Variants in SYN3 observed in about 807,000 individuals in gnomAD.
SYN3 encodes the protein synapsin III, also known as synapsin-3.
SYN3 carries 35 observed loss-of-function variants against 65.8 expected under a neutral mutation model. The ratio of observed to expected loss-of-function variants is 0.53; its 90% CI spans 0.41 to 0.70. SYN3 has a LOEUF of 0.70. Ranked by LOEUF, SYN3 falls within the 30% of genes least tolerant of loss-of-function variation. The pLI is 0.00. For missense variants in SYN3, 680 were observed against 749.0 expected (o/e 0.91, Z 1.08); for synonymous variants, 270 against 292.9 (o/e 0.92, Z 0.80).
intron 8 of SYN3, among the ~76,000 whole-genome samples, chr22:32,540,831 T>A (rs2058242262): frequency 6.6e-6 from 1 of 152,220 alleles, no homozygotes; most frequent in African/African-American, 2.4e-5. Context: ...TCAGTACTTT[T>A]TCCACGGAAT....
chr22:33,048,902 G>A (rs1374926442), intron 1 of SYN3, among the ~76,000 whole-genome samples: 3 of 152,136 alleles, frequency 2.0e-5, no homozygotes, highest in African/African-American at 7.2e-5. Context: ...TTCACCCCAT[G>A]CCCTAGAGAT....
chr22:32,927,570 C>G (rs529633843), intron 4 of SYN3, among the ~76,000 whole-genome samples: 15 of 152,200 alleles, frequency 9.9e-5, no homozygotes, highest in Non-Finnish European at 1.5e-4. Flanking sequence ...TCTTCCCTGA[C>G]AATACAAGGG....
intron 6 of SYN3, among the ~76,000 whole-genome samples, chr22:32,787,712 A>G (rs1309424597): frequency 6.6e-6 from 1 of 152,218 alleles, no homozygotes; most frequent in Non-Finnish European, 1.5e-5. Flanking sequence ...AGTTTTTTTC[A>G]GATACTGATA....
chr22:32,516,878 TAAAAA>T (rs1374974132), intron 13 of SYN3, among the ~76,000 whole-genome samples: 1 of 152,054 alleles, frequency 6.6e-6, no homozygotes, highest in African/African-American at 2.4e-5. Context: ...TGTGAGAACT[TAAAAA>T]AAACCCAAGT....
In SYN3 at chr22:32,980,697, T is replaced by C. The variant is rs1186593115; in HGVS notation, c.317A>G (p.Lys106Arg). The stretch of plus-strand genomic sequence containing the variant: ...ATTCACCTTCTTCCCATGGAAATAC[T>C]TCGACCTGTAAAGGGGAAGAAATCA... The part of the protein sequence containing the change: ...VIDDAHTDWS[K>R]YFHGKKVNGE... Residue 106 changes from lysine to arginine, a missense_variant, in exon 3 of 14, where the codon AAG becomes AGG. By Grantham distance (26) the Lys-to-Arg change is conservative. Transcript: ENST00000358763. The C allele has an allele frequency of 4.3e-6, 7 of 1,613,818 alleles. No individual in the cohort carries two copies. Among genetic ancestry groups the C allele is most frequent in the Non-Finnish European group, 5.1e-6 (6 of 1,179,914 alleles).
At chr22:32,609,645 TAAA>T (rs5845010) in intron 6 of SYN3, among the ~76,000 whole-genome samples, 3 of 140,062 alleles carry the variant, frequency 2.1e-5, no homozygotes, top group Admixed American at 1.4e-4. Context: ...CCCAGCTAAT[TAAA>T]AAAAAATAAA....
At chr22:32,726,389 C>A (rs890895016) in intron 6 of SYN3, among the ~76,000 whole-genome samples, 1 of 152,208 alleles carries the variant, frequency 6.6e-6, no homozygotes, top group Admixed American at 6.5e-5. Flanking sequence ...GATCTGCCCG[C>A]CTTGGCCTCC....
intron 6 of SYN3, among the ~76,000 whole-genome samples, chr22:32,642,262 C>T (rs1339475698): frequency 6.6e-6 from 1 of 151,496 alleles, no homozygotes; most frequent in Non-Finnish European, 1.5e-5. Context: ...GCACTCCAGC[C>T]TTGGGTGACA....
At chr22:33,010,295 G>A (rs965127921) in intron 1 of SYN3, among the ~76,000 whole-genome samples, 21 of 151,926 alleles carry the variant, frequency 1.4e-4, no homozygotes, top group African/African-American at 5.1e-4. Context: ...GTGTCTTGTA[G>A]AAGCTTTATA....
intron 13 of SYN3, among the ~76,000 whole-genome samples, chr22:32,517,138 C>T (rs9621475): frequency 6.6e-6 from 1 of 152,060 alleles, no homozygotes; most frequent in Admixed American, 6.5e-5. Flanking sequence ...TGAGATGTGA[C>T]TTCATGGCTC....
intron 6 of SYN3, among the ~76,000 whole-genome samples, chr22:32,853,274 A>G (rs2048273417): frequency 6.6e-6 from 1 of 152,206 alleles, no homozygotes; most frequent in Non-Finnish European, 1.5e-5. Context: ...CTGTCCTGCT[A>G]GACAAATTGC....
At chr22:32,724,538 T>A (rs563222663) in intron 6 of SYN3, among the ~76,000 whole-genome samples, 1 of 152,232 alleles carries the variant, frequency 6.6e-6, no homozygotes, top group South Asian at 2.1e-4. Context: ...ACATTACTTA[T>A]CTAATAGGAT....
At chr22:32,823,136 C>G (rs2047301075) in intron 6 of SYN3, among the ~76,000 whole-genome samples, 1 of 152,194 alleles carries the variant, frequency 6.6e-6, no homozygotes, top group Non-Finnish European at 1.5e-5. Flanking sequence ...GGTGGGAAAG[C>G]AAGGACTCAA....
At chr22:32,666,328 C>A (rs1462988283) in intron 6 of SYN3, among the ~76,000 whole-genome samples, 1 of 149,066 alleles carries the variant, frequency 6.7e-6, no homozygotes, top group Non-Finnish European at 1.5e-5. Context: ...AAAGAATAAC[C>A]CAAACCAAAC....
chr22:33,020,476 GCAC>G (rs2053541872), intron 1 of SYN3, among the ~76,000 whole-genome samples: 1 of 152,130 alleles, frequency 6.6e-6, no homozygotes, highest in Admixed American at 6.5e-5. Context: ...CAGAGTACCA[GCAC>G]CTCAATACAA....
chr22:32,597,345 A>T (rs952032532), intron 6 of SYN3, among the ~76,000 whole-genome samples: 1 of 150,110 alleles, frequency 6.7e-6, no homozygotes, highest in Non-Finnish European at 1.5e-5. Context: ...CCTCCCAAGT[A>T]GCTGGGATTA....
At position 32,524,655 on chromosome 22, in the gene SYN3, A is replaced by G. The variant is rs1056045386; in HGVS notation, c.1318+3263T>C. Among the ~76,000 whole-genome samples the G allele has an allele frequency of 2.0e-5, 3 of 152,234 alleles. No homozygotes were observed. The East Asian group carries it at 5.8e-4, about 29-fold the overall frequency. ...ATTTTGTTTTCATGCCTTTTAATACATATCACGTCTTTTAGTTCATGGATC... is the reference window on the plus strand; with the variant it reads ...ATTTTGTTTTCATGCCTTTTAATACGTATCACGTCTTTTAGTTCATGGATC... On this transcript the variant is annotated intron_variant, in intron 12 of 13. Coordinates refer to ENST00000358763, the MANE Select transcript of SYN3 (RefSeq NM_003490.4).
At chr22:32,828,190 T>C (rs143180555) in intron 6 of SYN3, among the ~76,000 whole-genome samples, 7 of 152,340 alleles carry the variant, frequency 4.6e-5, no homozygotes, top group African/African-American at 1.7e-4. Context: ...CTGAGACAAG[T>C]GAAGTGTCTT....
At chr22:32,743,199 C>T (rs1444385637) in intron 6 of SYN3, among the ~76,000 whole-genome samples, 1 of 152,174 alleles carries the variant, frequency 6.6e-6, no homozygotes, top group Non-Finnish European at 1.5e-5. Flanking sequence ...TTTGGGAAAT[C>T]TAGGAAGTTG....
Sources: allele counts gnomAD v4.1 joint callset (sites outside exome capture counted in the v4.1 genomes callset), GRCh38; gene constraint gnomAD v4.1.1; transcripts MANE v1.5; gene names NCBI Gene and HGNC (gene_info 2026-07-23, HGNC 2026-07-21).